Variants in ACAP3 observed in about 807,000 individuals in gnomAD.
ACAP3 encodes the protein ArfGAP with coiled-coil, ankyrin repeat and PH domains 3.
ACAP3 carries 56 observed loss-of-function variants against 104.1 expected under a neutral mutation model. The ratio of observed to expected loss-of-function variants is 0.54; its 90% confidence interval spans 0.43 to 0.67. The LOEUF is 0.67. Ranked by LOEUF, ACAP3 falls within the 30% of genes least tolerant of loss-of-function variation. The pLI is 0.00. For missense variants in ACAP3, 1,208 were observed against 1,174.9 expected (o/e 1.03, Z -0.41); for synonymous variants, 628 against 496.2 (o/e 1.27, Z -3.53).
chr1:1,301,042 C>T (rs558170545), intron 5 of ACAP3, among the ~76,000 whole-genome samples: 20 of 152,264 alleles, frequency 1.3e-4, no homozygotes, highest in African/African-American at 4.8e-4. Flanking sequence ...GCTGGGATTA[C>T]AGGCGTGAGC....
At position 1,294,736 on chromosome 1, in the gene ACAP3, C is replaced by T. The variant is rs373987414; in HGVS notation, c.1894G>A (p.Asp632Asn). Residue 632 changes from aspartate (D) to asparagine (N), a missense_variant, in exon 20 of 24, where the codon GAC (aspartate) becomes AAC (asparagine). Physicochemically the swap from Asp to Asn is conservative, Grantham distance 23 (BLOSUM62 1). Coordinates refer to ENST00000354700, the MANE Select transcript of ACAP3 (RefSeq NM_030649.3). ...VLAFGSGSVV[D>N]SVTEEEGAES... Reference sequence around the variant, plus strand: ...CACCCACCCTCCTCAGTGACGCTGTCCACCACAGAGCCCGAGCCGAAAGCC... The same window carrying T: ...CACCCACCCTCCTCAGTGACGCTGTTCACCACAGAGCCCGAGCCGAAAGCC... 3 of 1,549,692 alleles carry T rather than the reference C, an allele frequency of 1.9e-6. No homozygotes were observed. In the African/African-American group the frequency reaches 4.1e-5, roughly 21 times the overall value.
intron 12 of ACAP3, 112 bp from the exon 13 acceptor site, chr1:1,298,225 G>A (rs915327333): frequency 2.0e-5 from 31 of 1,574,344 alleles, no homozygotes; most frequent in Middle Eastern, 3.8e-4. Flanking sequence ...CCCAAGCCCC[G>A]TGTCCAGCTC....
intron 1 of ACAP3, chr1:1,307,257 C>T: frequency 3.1e-6 from 4 of 1,288,180 alleles, no homozygotes; most frequent in Non-Finnish European, 4.0e-6. Context: ...CCTACCTGAC[C>T]TTCCCCGCCG....
At chr1:1,295,038 C>T (rs979089322) in intron 19 of ACAP3, 3 of 581,638 alleles carry the variant, frequency 5.2e-6, no homozygotes, top group Non-Finnish European at 9.1e-6. Context: ...AAGCCCAGGC[C>T]TTTTGGGAAG....
intron 23 of ACAP3, 24 bp from the exon 24 acceptor site, chr1:1,293,732 C>T (rs1284216368): frequency 2.9e-6 from 4 of 1,367,202 alleles, no homozygotes; most frequent in South Asian, 2.9e-5. Context: ...CAGCGTGAGA[C>T]GCCCCTGCCC....
rs566574844 is a variant in ACAP3 at position 1,304,033 on chromosome 1, T to C, written c.105+53A>G. The C allele has an allele frequency of 3.9e-6, 6 of 1,548,042 alleles. No individual in the cohort carries two copies. The African/African-American group carries it at 4.1e-5, about 11-fold the overall frequency. ...AAGGCCTGGAGGGCGAGTCTGGCCA[T>C]GTGGCCATCCCAAGCTTGGCCGGGC... On this transcript the variant is annotated intron_variant, in intron 2 of 23. Transcript: ENST00000354700.
intron 1 of ACAP3, among the ~76,000 whole-genome samples, chr1:1,306,328 C>T (rs983555737): frequency 6.6e-6 from 1 of 151,164 alleles, no homozygotes; most frequent in Non-Finnish European, 1.5e-5. Context: ...AGGCTTCTGA[C>T]GGAGGGGCCA....
At chr1:1,293,784 G>C (rs61766186) in intron 23 of ACAP3, 39 bp downstream of exon 23, 24 of 1,514,970 alleles carry the variant, frequency 1.6e-5, no homozygotes, top group Admixed American at 3.8e-5. Context: ...CCCCTGCCCT[G>C]GAGGCCCCGC....
chr1:1,298,496 G>A (rs1641298362), intron 11 of ACAP3, 71 bp downstream of exon 11: 1 of 1,476,632 alleles, frequency 6.8e-7, no homozygotes, highest in South Asian at 1.3e-5. Context: ...CCCCACCTGA[G>A]GACCCCACCC....
Position 1,295,557 on chromosome 1 carries a change from G to C in ACAP3, c.1706-3C>G. ...GAACTTACGATCCAGGGTGCCCACT[G>C]CAGGGGCAGTGCGTGTTCAGAGTGT... On this transcript the variant is annotated splice_polypyrimidine_tract_variant and splice_region_variant and intron_variant, in intron 18 of 23. Transcript: ENST00000354700. The C allele has an allele frequency of 6.2e-7, 1 of 1,611,624 alleles. No individual in the cohort carries two copies.
intron 2 of ACAP3, 66 bp downstream of exon 2, chr1:1,304,020 G>A (rs913742954): frequency 2.4e-5 from 37 of 1,542,018 alleles, no homozygotes; most frequent in Middle Eastern, 3.3e-4. Flanking sequence ...GGCCTGGAGG[G>A]CGAGTCTGGC....
Position 1,298,050 on chromosome 1 carries a change from C to T in ACAP3, c.979G>A (p.Glu327Lys), listed in dbSNP as rs1348240615. The T allele has an allele frequency of 6.2e-7, 1 of 1,611,558 alleles. No homozygotes were observed. Among genetic ancestry groups the T allele is most frequent in the Non-Finnish European group, 8.5e-7 (1 of 1,179,442 alleles). Residue 327 changes from glutamate to lysine, a missense_variant, in exon 13 of 24, where the codon GAG (glutamate) becomes AAG (lysine). Transcript: ENST00000354700. ...LCSVKPCEDI[E>K]RRFCFEVLSP... The stretch of plus-strand genomic sequence containing the variant: ...AGCACCTCGAAGCAGAACCTCCGCT[C>T]GATGTCCTCACACGGCTTCACAGAG...
chr1:1,306,883 G>A (rs568851007), intron 1 of ACAP3, among the ~76,000 whole-genome samples: 9 of 152,178 alleles, frequency 5.9e-5, no homozygotes, highest in Non-Finnish European at 1.0e-4. Context: ...GACAGGTGGT[G>A]TGTGCACACG....
At chr1:1,293,760 C>CCCTGGAGGCCCCGCCCCTGT (rs1570623973) in intron 23 of ACAP3, 52 bp from the exon 24 acceptor site, 39 of 1,491,356 alleles carry the variant, frequency 2.6e-5, no homozygotes, top group Non-Finnish European at 3.3e-5. Flanking sequence ...CCCGCCCCTG[C>CCCTGGAGGCCCCGCCCCTGT]CCTGGAGGCC....
intron 21 of ACAP3, 90 bp from the exon 22 acceptor site, chr1:1,294,289 C>G: frequency 6.6e-7 from 1 of 1,512,928 alleles, no homozygotes; most frequent in Non-Finnish European, 8.9e-7. Context: ...CGCCCCCAGC[C>G]GGGACCGAAC....
rs1402694531 is a variant in ACAP3, at chr1:1,295,893, C to A, written c.1548G>T (p.Lys516Asn). Residue 516 changes from lysine (K) to asparagine (N), a missense_variant, in exon 18 of 24, where the codon AAG becomes AAT. Physicochemically the swap from Lys to Asn is moderately conservative, Grantham distance 94. Transcript: ENST00000354700. Reference sequence around the variant, plus strand: ...GTGCCATGGGCGCCTTCCGCAGAAACTTCTTTTCCACGTATTTGTCCTTGA... The same window carrying A: ...GTGCCATGGGCGCCTTCCGCAGAAAATTCTTTTCCACGTATTTGTCCTTGA... ...AWIKDKYVEK[K>N]FLRKAPMAPA... 2 of 1,612,236 alleles carry A rather than the reference C, an allele frequency of 1.2e-6. No individual in the cohort carries two copies. The highest frequency in any genetic ancestry group is 2.2e-5 in the East Asian group (1 of 44,884).
rs771214380 is a variant in ACAP3, at chr1:1,294,487, G to A, written c.2054C>T (p.Ala685Val). 16 of 1,545,654 alleles carry A rather than the reference G, an allele frequency of 1.0e-5. No homozygotes were observed. The Admixed American group carries it at 1.9e-4, about 18-fold the overall frequency. The change falls in exon 21 of 24, where the codon GCG becomes GTG. Residue 685 changes from alanine (A) to valine (V), a missense_variant. Coordinates refer to ENST00000354700, the MANE Select transcript of ACAP3 (RefSeq NM_030649.3). ...AARARDLPAL[A>V]AALAHGAEVN... ...CTCGGCCCCGTGGGCCAGCGCCGCCGCCAGCGCAGGAAGGTCGCGGGCACG... is the reference window on the plus strand; with the variant it reads ...CTCGGCCCCGTGGGCCAGCGCCGCCACCAGCGCAGGAAGGTCGCGGGCACG...
intron 5 of ACAP3, 72 bp from the exon 6 acceptor site, chr1:1,300,764 G>A (rs1344875168): frequency 1.6e-5 from 24 of 1,498,456 alleles, no homozygotes; most frequent in Middle Eastern, 1.7e-4. Context: ...CTCCCACATC[G>A]TTGTTTGTGT....
chr1:1,296,339 C>A (rs917199781), intron 15 of ACAP3, 59 bp from the exon 16 acceptor site: 20 of 1,548,662 alleles, frequency 1.3e-5, no homozygotes, highest in Non-Finnish European at 1.7e-5. Context: ...TCCGGCCCAA[C>A]CCCCACCCCC....
Sources: allele counts gnomAD v4.1 joint callset (sites outside exome capture counted in the v4.1 genomes callset), GRCh38; gene constraint gnomAD v4.1.1; transcripts MANE v1.5; gene names NCBI Gene and HGNC (gene_info 2026-07-23, HGNC 2026-07-21).